The following MCF2 variants were observed in gnomAD, a reference collection of about 807,000 sequenced individuals.
The protein encoded by MCF2 is MCF.2 cell line derived transforming sequence.
In MCF2, 44 loss-of-function variants were observed where a neutral mutation model predicts 82.5. The observed-to-expected ratio is 0.53, with a 90% CI of 0.42 to 0.69. The LOEUF is 0.69. Among genes scored for constraint, MCF2 ranks in the 30% least tolerant of loss-of-function variants. The pLI is 0.00. For synonymous variants in MCF2, 217 were observed against 224.9 expected (o/e 0.96, Z 0.32); for missense variants, 623 against 663.1 (o/e 0.94, Z 0.66).
chrX:139,633,820 C>A (rs893042126), intron 1 of MCF2, among the ~76,000 whole-genome samples: 1 of 110,965 alleles, frequency 9.0e-6, no homozygotes, highest in African/African-American at 3.3e-5. Flanking sequence ...GTAATCCAAG[C>A]CAGGAATGAT....
chrX:139,700,265 T>C (rs2095079261), intron 1 of MCF2, among the ~76,000 whole-genome samples: 1 of 111,070 alleles, frequency 9.0e-6, no homozygotes, highest in Non-Finnish European at 1.9e-5. Context: ...CTTCCTCCTT[T>C]TCCATCCAAG....
At chrX:139,585,449 G>T (rs1474182499) in intron 23 of MCF2, among the ~76,000 whole-genome samples, 1 of 111,459 alleles carries the variant, frequency 9.0e-6, no homozygotes, top group Non-Finnish European at 1.9e-5. Flanking sequence ...TTCTTTGGGG[G>T]CCACAGCATA....
intron 5 of MCF2, 42 bp from the exon 9 acceptor site, chrX:139,626,349 CT>C (rs778973616): frequency 1.2e-6 from 1 of 836,672 alleles, no homozygotes; most frequent in Non-Finnish European, 1.8e-6. Context: ...AAGCAACTAT[CT>C]GTTTTGTAAG....
At chrX:139,644,615 A>G (rs1933732404), upstream of MCF2, among the ~76,000 whole-genome samples, 1 of 112,210 alleles carries the variant, frequency 8.9e-6, no homozygotes, top group African/African-American at 3.2e-5. Context: ...TAATGATCTT[A>G]CCCATTTTAC....
rs150638729 is a variant in MCF2 at position 139,582,502 on chromosome X, C to T, written c.2747G>A (p.Arg916Lys). The change falls in exon 25 of 25, where the codon AGA (arginine) becomes AAA (lysine). Residue 916 changes from arginine (R) to lysine (K), a missense_variant and splice_region_variant. Physicochemically the swap from Arg to Lys is conservative, Grantham distance 26. Coordinates refer to ENST00000370576, the Ensembl canonical transcript of MCF2. The stretch of plus-strand genomic sequence containing the variant: ...TAGGAGAGCCATCTCCGACACAGGT[C>T]TCTACAAGGGAAGCAGCACCCATTA... 4.9e-5 allele frequency: 59 copies of T among 1,201,767 alleles called. No homozygotes were observed. The African/African-American group carries it at 1.0e-3, about 20-fold the overall frequency.
At chrX:139,584,065 T>G (rs894336930) in intron 24 of MCF2, among the ~76,000 whole-genome samples, 6 of 110,850 alleles carry the variant, frequency 5.4e-5, no homozygotes, top group African/African-American at 2.0e-4. Flanking sequence ...CAATATCTAC[T>G]TTTTTAAAGA....
chrX:139,666,203 T>C (rs1272854517), intron 1 of MCF2, among the ~76,000 whole-genome samples: 1 of 106,353 alleles, frequency 9.4e-6, no homozygotes, highest in African/African-American at 3.6e-5. Context: ...GTCTTATTCA[T>C]TCATTCTTTT....
intron 18 of MCF2, 77 bp downstream of exon 22, chrX:139,597,383 A>C: frequency 1.3e-6 from 1 of 747,914 alleles, no homozygotes; most frequent in African/African-American, 2.1e-5. Context: ...GTTATTTCTC[A>C]ATTGGTTCCA....
At chrX:139,602,265 G>C (rs997801493) in intron 16 of MCF2, 141 bp downstream of exon 20, 46 of 487,350 alleles carry the variant, frequency 9.4e-5, no homozygotes, top group Middle Eastern at 1.2e-3. Flanking sequence ...GTGTGTGTTG[G>C]GGGGGAGGGT....
At chrX:139,642,908 T>C, upstream of MCF2, 1 of 725,107 alleles carries the variant, frequency 1.4e-6, no homozygotes. Flanking sequence ...GGGACTGGCT[T>C]TCTCCTCTGC....
chrX:139,626,619 T>A lies in MCF2; in HGVS notation c.572+4A>T, dbSNP rs1932767597. 5.0e-6 allele frequency: 6 copies of A among 1,204,709 alleles called. No individual in the cohort carries two copies. Among genetic ancestry groups the A allele is most frequent in the Non-Finnish European group, 1.1e-6 (1 of 890,850 alleles). On this transcript the variant is annotated splice_donor_region_variant and intron_variant, in intron 5 of 24. Coordinates refer to ENST00000370576, the Ensembl canonical transcript of MCF2. ...TAACTCTAAACCAAAAAGAGAGTAC[T>A]CACTTATTAATAGTTTGCCAGTCAC... is the stretch of plus-strand genomic sequence containing the variant.
rs1458634009 is a variant in MCF2, at chrX:139,642,696, A to C, written c.-178T>G. 2.8e-6 allele frequency: 3 copies of C among 1,088,256 alleles called. No individual in the cohort carries two copies. The African/African-American group carries it at 5.7e-5, about 21-fold the overall frequency. 89.7% of individuals were successfully genotyped at this position (1,088,256 alleles called of 1,213,427 possible). A position where few individuals can be genotyped will look rare whatever the true frequency, so the allele number is the denominator to read the frequency against. On this transcript the variant is annotated 5_prime_UTR_variant, in exon 1 of 25. Transcript: ENST00000370576. ...ATGCTGGGGAGGAAAAAAAAAAAAA[A>C]ACCACTATCCCTGATTAGTCAGCTG...
intron 19 of MCF2, among the ~76,000 whole-genome samples, chrX:139,593,575 C>T (rs1247170187): frequency 9.0e-6 from 1 of 110,753 alleles, no homozygotes; most frequent in African/African-American, 3.3e-5. Flanking sequence ...CGGGCAGAGA[C>T]ACAACCAAAA....
upstream of MCF2, among the ~76,000 whole-genome samples, chrX:139,645,284 A>G (rs745843373): frequency 9.0e-6 from 1 of 111,202 alleles, no homozygotes; most frequent in South Asian, 3.8e-4. Flanking sequence ...TAATTTTAAA[A>G]AGCTTCCATA....
At chrX:139,664,321 A>AAAC (rs372672728) in intron 1 of MCF2, among the ~76,000 whole-genome samples, 1,486 of 92,491 alleles carry the variant, frequency 0.016, 24 homozygotes, top group African/African-American at 0.077. Flanking sequence ...AACAAAAAAC[A>AAAC]AAAAAAAAAA....
chrX:139,627,604 C>T (rs1156905095), intron 4 of MCF2, among the ~76,000 whole-genome samples: 1 of 111,615 alleles, frequency 9.0e-6, no homozygotes, highest in Non-Finnish European at 1.9e-5. Flanking sequence ...AGGACAGATT[C>T]CATGACACCA....
At chrX:139,697,468 T>C (rs5953568) in intron 1 of MCF2, among the ~76,000 whole-genome samples, 6,055 of 112,028 alleles carry the variant, frequency 0.054, 434 homozygotes, top group African/African-American at 0.19. Context: ...GGTTCTATCA[T>C]TTGCAACCAA....
At position 139,680,262 on chromosome X, in the gene MCF2, T is replaced by C. The variant is rs140204487; in HGVS notation, c.-45+27844A>G. On this transcript the variant is annotated intron_variant, in intron 1 of 27. Coordinates refer to the MCF2 transcript ENST00000414978. ...CCTAAGCCTTCTGAGTAGCTAGGAC[T>C]ACAGGCAAGTGCCACCACATCCGGC... Among the ~76,000 whole-genome samples, 69 of 112,239 alleles carry C rather than the reference T, an allele frequency of 6.1e-4. No individual in the cohort carries two copies. The East Asian group carries it at 0.018, about 29-fold the overall frequency.
upstream of MCF2, among the ~76,000 whole-genome samples, chrX:139,644,253 T>G (rs1203810674): frequency 2.7e-5 from 3 of 112,269 alleles, no homozygotes; most frequent in African/African-American, 9.7e-5. Context: ...TGCTCTGGCT[T>G]TTTTGGTTAC....
Sources: allele counts gnomAD v4.1 joint callset (sites outside exome capture counted in the v4.1 genomes callset), GRCh38; gene constraint gnomAD v4.1.1; transcripts MANE v1.5; gene names NCBI Gene and HGNC (gene_info 2026-07-23, HGNC 2026-07-21).